SPAG16: variants seen among roughly 807,000 people sequenced by gnomAD.
SPAG16 encodes sperm associated antigen 16.
A neutral mutation model predicts 80.4 loss-of-function variants in SPAG16; 86 were observed. That is an observed-to-expected ratio of 1.07 (90% CI 0.90 to 1.28). SPAG16 has a LOEUF of 1.28. SPAG16 is among the 50% of genes most tolerant of loss of function. The probability of loss-of-function intolerance (pLI) is 0.00; values close to 1 mark genes in which losing one functional copy is unlikely to be tolerated. For missense variants in SPAG16, 870 were observed against 765.3 expected, an observed-to-expected ratio of 1.14 and a Z score of -1.61; for synonymous variants, 294 against 265.9, an observed-to-expected ratio of 1.11 and a Z score of -1.03.
intron 9 of SPAG16, among the ~76,000 whole-genome samples, chr2:213,391,147 A>G (rs1559081892): frequency 6.6e-6 from 1 of 152,150 alleles, no homozygotes; most frequent in Non-Finnish European, 1.5e-5. Flanking sequence ...ACGTGCCTGT[A>G]ATTCCAGCTA....
Position 214,250,757 on chromosome 2 carries a change from T to TATAGAGAG in SPAG16, c.1720+101492_1720+101493insTAGAGAGA, listed in dbSNP as rs1475343777. ...AGATATATATATATATATATATATA[T>TATAGAGAG]AGAGAGAGAGAGAGAGAGAGAGAGA... On this transcript the variant is annotated intron_variant, in intron 15 of 15. Coordinates refer to ENST00000331683, the MANE Select transcript of SPAG16 (RefSeq NM_024532.5). 1.3e-3 allele frequency among the ~76,000 whole-genome samples: 122 copies of TATAGAGAG among 91,274 alleles called. 1 individual carries two copies. The highest frequency in any genetic ancestry group is 9.4e-3 in the South Asian group (21 of 2,236). The allele number at this position is 91,274 out of a possible 152,430, so 59.9% of individuals were successfully genotyped here.
rs757636737 is a variant in SPAG16, at chr2:214,410,357, T to C, written c.*42T>C. 6.5e-7 allele frequency: 1 copy of C among 1,538,530 alleles called. No homozygotes were observed. Among genetic ancestry groups the C allele is most frequent in the Non-Finnish European group, 8.8e-7 (1 of 1,132,802 alleles). On this transcript the variant is annotated 3_prime_UTR_variant, in exon 16 of 16. Coordinates refer to ENST00000331683, the MANE Select transcript of SPAG16 (RefSeq NM_024532.5). The stretch of plus-strand genomic sequence containing the variant: ...CTGCAGAGGGCATTCCCTTTAAGGC[T>C]TGAAAATGCCTCCTGTAGTCCCAAA...
intron 10 of SPAG16, among the ~76,000 whole-genome samples, chr2:213,674,673 T>A (rs2063969063): frequency 6.7e-6 from 1 of 150,078 alleles, no homozygotes; most frequent in Admixed American, 6.6e-5. Context: ...CTGAGAATGA[T>A]GATTTCCAAT....
intron 7 of SPAG16, among the ~76,000 whole-genome samples, chr2:213,355,157 A>T (rs2065564583): frequency 2.0e-5 from 3 of 152,170 alleles, no homozygotes; most frequent in Admixed American, 2.0e-4. Context: ...CAGGTTTGTC[A>T]AAGATCAGAT....
intron 12 of SPAG16, among the ~76,000 whole-genome samples, chr2:213,972,996 C>CA (rs1054047885): frequency 2.6e-5 from 4 of 152,016 alleles, no homozygotes; most frequent in South Asian, 4.2e-4. Context: ...CAAAACAAAA[C>CA]AAAAAAACAC....
At chr2:214,355,470 G>T (rs1698719709) in intron 15 of SPAG16, among the ~76,000 whole-genome samples, 1 of 144,434 alleles carries the variant, frequency 6.9e-6, no homozygotes, top group African/African-American at 2.5e-5. Context: ...AAACCACAAT[G>T]AGATACCATC....
At chr2:214,403,132 A>G (rs1034533921) in intron 15 of SPAG16, among the ~76,000 whole-genome samples, 1 of 151,250 alleles carries the variant, frequency 6.6e-6, no homozygotes, top group African/African-American at 2.4e-5. Flanking sequence ...TCCGGATGCC[A>G]TCACTTACAA....
rs149542944 is a variant in SPAG16, at chr2:214,183,369, G to T, written c.1720+34103G>T. On this transcript the variant is annotated intron_variant, in intron 15 of 15. Coordinates refer to ENST00000331683, the MANE Select transcript of SPAG16 (RefSeq NM_024532.5). Reference sequence around the variant, plus strand: ...TTAAAAATAGGGGCTATTTTTCTTAGATAACAAGGATTCTGGAGACAAGAG... The same window carrying T: ...TTAAAAATAGGGGCTATTTTTCTTATATAACAAGGATTCTGGAGACAAGAG... 3.2e-3 allele frequency among the ~76,000 whole-genome samples: 490 copies of T among 152,032 alleles called. 1 individual carries two copies. The highest frequency in any genetic ancestry group is 5.2e-3 in the Non-Finnish European group (353 of 67,934).
chr2:213,459,032 C>T (rs1437610615), intron 9 of SPAG16, among the ~76,000 whole-genome samples: 1 of 152,150 alleles, frequency 6.6e-6, no homozygotes, highest in Non-Finnish European at 1.5e-5. Context: ...TCTTTTCCAA[C>T]CTGGGAGTCC....
intron 6 of SPAG16, among the ~76,000 whole-genome samples, chr2:213,348,580 C>G (rs1362255584): frequency 3.3e-5 from 5 of 152,086 alleles, no homozygotes; most frequent in Non-Finnish European, 5.9e-5. Context: ...CTGGTGGTGA[C>G]AAAATCTCTC....
rs536030943 is a variant in SPAG16 at position 213,898,525 on chromosome 2, C to A, written c.1215-31435C>A. ...GAATCTGCTGGGGTCATGACTGTTG[C>A]TCCCCCACTGAATTTATGGTGGAAC... is the stretch of plus-strand genomic sequence containing the variant. On this transcript the variant is annotated intron_variant, in intron 11 of 15. Transcript: ENST00000331683. 2.0e-4 allele frequency among the ~76,000 whole-genome samples: 30 copies of A among 152,206 alleles called. 2 individuals carry two copies. Among genetic ancestry groups the A allele is most frequent in the African/African-American group, 6.3e-4 (26 of 41,536 alleles).
chr2:213,647,606 A>T (rs1314924998), intron 10 of SPAG16, among the ~76,000 whole-genome samples: 1 of 151,524 alleles, frequency 6.6e-6, no homozygotes, highest in Non-Finnish European at 1.5e-5. Context: ...CTGCTCGCCC[A>T]TCTTTTTGTA....
intron 7 of SPAG16, 99 bp downstream of exon 7, chr2:213,350,744 A>G (rs2065279981): frequency 1.4e-6 from 1 of 694,892 alleles, no homozygotes. Context: ...TAATTTTAAA[A>G]CATTTTCAAC....
At chr2:213,715,429 A>C (rs2066197753) in intron 10 of SPAG16, among the ~76,000 whole-genome samples, 1 of 152,144 alleles carries the variant, frequency 6.6e-6, no homozygotes, top group Non-Finnish European at 1.5e-5. Context: ...ATTCGTGACA[A>C]GCGCTTACCA....
At position 213,995,412 on chromosome 2, in the gene SPAG16, T is replaced by C. The variant is rs1479264544; in HGVS notation, c.1401-18539T>C. Among the ~76,000 whole-genome samples, 3 of 152,202 alleles carry C rather than the reference T, an allele frequency of 2.0e-5. No homozygotes were observed. In the East Asian group the frequency reaches 5.8e-4, roughly 29 times the overall value. On this transcript the variant is annotated intron_variant, in intron 12 of 15. Transcript: ENST00000331683. Reference sequence around the variant, plus strand: ...GATTTTACCTTTCCTAACTCCTTTCTCTTCTTGCCATGAATAGCATATATG... The same window carrying C: ...GATTTTACCTTTCCTAACTCCTTTCCCTTCTTGCCATGAATAGCATATATG...
chr2:213,305,267 G>C (rs1559390393), intron 3 of SPAG16, among the ~76,000 whole-genome samples: 1 of 151,930 alleles, frequency 6.6e-6, no homozygotes, highest in African/African-American at 2.4e-5. Context: ...TGGTGAATAG[G>C]TTTTTTTCGA....
chr2:213,837,881 A>G (rs1404795882), intron 10 of SPAG16, among the ~76,000 whole-genome samples: 1 of 152,216 alleles, frequency 6.6e-6, no homozygotes, highest in Non-Finnish European at 1.5e-5. Flanking sequence ...AGAAACTGGA[A>G]GAAGATGCTA....
intron 15 of SPAG16, among the ~76,000 whole-genome samples, chr2:214,405,268 G>A (rs1701933010): frequency 6.6e-6 from 1 of 152,012 alleles, no homozygotes. Context: ...GACTACAGAT[G>A]CATGCCACCA....
intron 10 of SPAG16, among the ~76,000 whole-genome samples, chr2:213,679,079 T>C (rs184141731): frequency 6.6e-6 from 1 of 152,174 alleles, no homozygotes; most frequent in Non-Finnish European, 1.5e-5. Flanking sequence ...GAAGGACACC[T>C]TCTCTGCATG....
Sources: gnomAD v4.1 joint callset for allele counts (sites outside exome capture counted in the v4.1 genomes callset) on GRCh38, gnomAD v4.1.1 for gene constraint, MANE v1.5 for transcripts, NCBI Gene and HGNC (gene_info 2026-07-23, HGNC 2026-07-21) for gene names.